TNC: variants seen among roughly 807,000 people sequenced by gnomAD.
TNC encodes tenascin C.
In TNC, 109 loss-of-function variants were observed where a neutral mutation model predicts 202.4. The observed-to-expected ratio is 0.54, with a 90% CI of 0.46 to 0.63. TNC has a LOEUF of 0.63. TNC is among the 30% of genes least tolerant of loss of function. The pLI is 0.00. For missense variants in TNC, 2,756 were observed against 2,833.3 expected (o/e 0.97, Z 0.62); for synonymous variants, 1,007 against 1,089.7 (o/e 0.92, Z 1.50).
At chr9:115,064,508 TG>T in intron 11 of TNC, 138 bp downstream of exon 11, 1 of 1,119,240 alleles carries the variant, frequency 8.9e-7, no homozygotes, top group Non-Finnish European at 1.3e-6. Flanking sequence ...TGTAGCGTGA[TG>T]GCCTCGTGTC....
chr9:115,036,277 C>T (rs766559793), intron 20 of TNC, 36 bp from the exon 21 acceptor site: 1 of 1,609,518 alleles, frequency 6.2e-7, no homozygotes, highest in African/African-American at 1.3e-5. Context: ...GCAGTCACCT[C>T]TCACTGTCTG....
intron 1 of TNC, among the ~76,000 whole-genome samples, chr9:115,092,856 G>A (rs1835337331): frequency 1.3e-5 from 2 of 151,826 alleles, no homozygotes; most frequent in African/African-American, 2.4e-5. Context: ...AAAGTGCTAG[G>A]ATTACAGGCA....
chr9:115,021,498 G>C (rs1829067440), intron 27 of TNC, among the ~76,000 whole-genome samples: 1 of 152,202 alleles, frequency 6.6e-6, no homozygotes. Context: ...TTTCACCTGA[G>C]TCAAGAGTCG....
intron 17 of TNC, among the ~76,000 whole-genome samples, chr9:115,044,384 G>GACACACACACACACAC (rs113847516): frequency 1.4e-5 from 2 of 147,218 alleles, no homozygotes; most frequent in South Asian, 2.2e-4. Flanking sequence ...CAGGCATGTA[G>GACACACACACACACAC]ACACACACAC....
Position 115,084,485 on chromosome 9 carries a change from A to T in TNC, c.1868-13T>A, listed in dbSNP as rs1006986148. On this transcript the variant is annotated splice_polypyrimidine_tract_variant and intron_variant, in intron 3 of 27. Coordinates refer to ENST00000350763, the MANE Select transcript of TNC (RefSeq NM_002160.4). ...TTGGGAGGAGACACTGGCAGGAATA[A>T]GAAAGGACATCTGGTGTCAACAGTG... The T allele has an allele frequency of 6.2e-7, 1 of 1,612,946 alleles. No homozygotes were observed. The highest frequency in any genetic ancestry group is 1.3e-5 in the African/African-American group (1 of 75,054).
chr9:115,041,121 C>A (rs751141911), intron 18 of TNC, 37 bp from the exon 19 acceptor site: 25 of 1,585,102 alleles, frequency 1.6e-5, no homozygotes, highest in Middle Eastern at 1.7e-4. Context: ...GAATAATGAA[C>A]CTCACTGACA....
chr9:115,080,268 C>T (rs1588146468), intron 6 of TNC, among the ~76,000 whole-genome samples: 1 of 152,148 alleles, frequency 6.6e-6, no homozygotes, highest in Admixed American at 6.5e-5. Context: ...GCACCTCCTC[C>T]ATAGCAACTA....
intron 1 of TNC, among the ~76,000 whole-genome samples, chr9:115,109,287 T>A (rs1280253279): frequency 6.6e-6 from 1 of 152,248 alleles, no homozygotes; most frequent in Non-Finnish European, 1.5e-5. Flanking sequence ...TGCTAAGCAG[T>A]GTTCATGAAC....
intron 19 of TNC, 73 bp from the exon 20 acceptor site, chr9:115,038,453 C>T (rs1564421357): frequency 1.9e-6 from 3 of 1,566,834 alleles, no homozygotes; most frequent in Non-Finnish European, 2.6e-6. Context: ...CTGCTGTCCA[C>T]ACTGCTTATG....
intron 1 of TNC, among the ~76,000 whole-genome samples, chr9:115,093,745 T>C (rs1040397945): frequency 6.6e-6 from 1 of 152,182 alleles, no homozygotes; most frequent in African/African-American, 2.4e-5. Context: ...TTATAGTTGC[T>C]GATTGAGACT....
chr9:115,113,141 A>G (rs1837209081), intron 1 of TNC, among the ~76,000 whole-genome samples: 1 of 147,698 alleles, frequency 6.8e-6, no homozygotes, highest in Non-Finnish European at 1.5e-5. Flanking sequence ...CAGTCTGTCA[A>G]AGAACACCAG....
At chr9:115,035,637 G>A (rs1830265591) in intron 21 of TNC, 1 of 301,192 alleles carries the variant, frequency 3.3e-6, no homozygotes, top group Non-Finnish European at 6.2e-6. Context: ...GAGGATGGAT[G>A]AATGCTAATA....
chr9:115,098,273 G>A (rs1835944723), intron 1 of TNC, among the ~76,000 whole-genome samples: 1 of 152,190 alleles, frequency 6.6e-6, no homozygotes, highest in Admixed American at 6.5e-5. Context: ...GGGAAACCAA[G>A]GCCAGTGTCA....
Position 115,069,798 on chromosome 9 carries a change from T to C in TNC, c.3214+3805A>G, listed in dbSNP as rs1374250225. On this transcript the variant is annotated intron_variant, in intron 10 of 27. Transcript: ENST00000350763. ...TCCCTTCCTTCCTTCCTTCCTTCCT[T>C]CCTCCCTTCCTCCCTCCCTCCCTCC... 1.5e-3 allele frequency among the ~76,000 whole-genome samples: 66 copies of C among 43,586 alleles called. 1 individual carries two copies. The highest frequency in any genetic ancestry group is 0.013 in the Middle Eastern group (1 of 76). 28.6% of individuals were successfully genotyped at this position (43,586 alleles called of 152,430 possible).
intron 17 of TNC, among the ~76,000 whole-genome samples, chr9:115,043,736 A>AAAAAC (rs1564428970): frequency 3.3e-5 from 5 of 150,802 alleles, no homozygotes; most frequent in Non-Finnish European, 7.4e-5. Context: ...TAACTGGGAA[A>AAAAAC]AAACAAACAA....
chr9:115,048,272 C>T lies in TNC; in HGVS notation c.4840G>A (p.Glu1614Lys). Reference protein sequence around the residue: ...QGHQTKPLRAEIVTEAEPEVD... With the variant: ...QGHQTKPLRAKIVTEAEPEVD... The stretch of plus-strand genomic sequence containing the variant: ...TGATTTGAAATACCTGTAACAATCT[C>T]AGCCCTCAAGGGCTTGGTTTGATGC... Residue 1614 changes from glutamate (E) to lysine (K), a missense_variant, in exon 16 of 28, where the codon GAG becomes AAG. Physicochemically the swap from Glu to Lys is moderately conservative, Grantham distance 56 (BLOSUM62 1). Transcript: ENST00000350763. 1.2e-6 allele frequency: 2 copies of T among 1,613,544 alleles called. No individual in the cohort carries two copies. The highest frequency in any genetic ancestry group is 1.7e-6 in the Non-Finnish European group (2 of 1,179,710).
intron 9 of TNC, 141 bp downstream of exon 9, chr9:115,075,891 A>G (rs1833808172): frequency 5.8e-6 from 4 of 685,822 alleles, no homozygotes; most frequent in South Asian, 1.7e-5. Context: ...TTGAATTTCA[A>G]CATTGGGGCT....
intron 15 of TNC, among the ~76,000 whole-genome samples, chr9:115,050,462 C>T (rs79646275): frequency 0.014 from 2,059 of 152,224 alleles, 52 homozygotes; most frequent in African/African-American, 0.048. Context: ...AATCTCATCT[C>T]GTTCCTCCTT....
At chr9:115,066,960 T>C (rs951740671) in intron 10 of TNC, among the ~76,000 whole-genome samples, 1 of 152,230 alleles carries the variant, frequency 6.6e-6, no homozygotes, top group Non-Finnish European at 1.5e-5. Context: ...CAATACTTGA[T>C]CTTGAATACA....
Sources: gnomAD v4.1 joint callset for allele counts (sites outside exome capture counted in the v4.1 genomes callset) on GRCh38, gnomAD v4.1.1 for gene constraint, MANE v1.5 for transcripts, NCBI Gene and HGNC (gene_info 2026-07-23, HGNC 2026-07-21) for gene names.